Variants in TRIM13 observed in about 807,000 individuals in gnomAD.
The protein encoded by TRIM13 is tripartite motif containing 13, also known as E3 ubiquitin-protein ligase TRIM13.
TRIM13 carries 15 observed loss-of-function variants against 27.1 expected under a neutral mutation model. That is an observed-to-expected ratio of 0.55 (90% CI 0.37 to 0.85). The LOEUF is 0.85. TRIM13 is among the 40% of genes least tolerant of loss of function. The pLI is 0.00. For missense variants in TRIM13, 402 were observed against 472.2 expected, an observed-to-expected ratio of 0.85 and a Z score of 1.38; for synonymous variants, 193 against 171.5, an observed-to-expected ratio of 1.13 and a Z score of -0.98.
At chr13:50,008,742 T>C (rs909847772) in intron 1 of TRIM13, among the ~76,000 whole-genome samples, 16 of 152,096 alleles carry the variant, frequency 1.1e-4, no homozygotes, top group African/African-American at 3.1e-4. Context: ...CTCTTAAAAA[T>C]TGAGAATCCT....
At chr13:50,001,620 T>TAG (rs2138346356) in intron 1 of TRIM13, among the ~76,000 whole-genome samples, 1 of 152,294 alleles carries the variant, frequency 6.6e-6, no homozygotes, top group East Asian at 1.9e-4. Context: ...TATGGACACA[T>TAG]AGGTAACTTT....
Position 50,012,707 on chromosome 13 carries a change from G to C in TRIM13, c.767G>C (p.Arg256Thr). 1 of 1,614,112 alleles carries C rather than the reference G, an allele frequency of 6.2e-7. No homozygotes were observed. ...IVFLQQMQEFREKIKVIKETP... is the reference protein window; with the variant it reads ...IVFLQQMQEFTEKIKVIKETP... ...TTTCTGCAACAGATGCAGGAGTTTA[G>C]AGAGAAAATCAAAGTAATCAAGGAA... is the stretch of plus-strand genomic sequence containing the variant. The change falls in exon 2 of 2, where the codon AGA (arginine) becomes ACA (threonine). Residue 256 changes from arginine (R) to threonine (T), a missense_variant. Arg to Thr is a moderately conservative substitution (Grantham distance 71). Around this residue, in one of 2 missense-constraint regions of TRIM13, gnomAD observed 200 missense variants for 194.7 expected, o/e 1.03. Transcript: ENST00000378182.
chr13:49,999,638 G>GAGT (rs1345886666), intron 1 of TRIM13, among the ~76,000 whole-genome samples: 1 of 152,106 alleles, frequency 6.6e-6, no homozygotes, highest in Non-Finnish European at 1.5e-5. Context: ...TCAGCCTTCA[G>GAGT]AGTAGCTGGG....
At position 50,013,251 on chromosome 13, in the gene TRIM13, C is replaced by G; in HGVS notation, c.*87C>G. On this transcript the variant is annotated 3_prime_UTR_variant, in exon 2 of 2. Transcript: ENST00000378182. ...TTCAGATTTGGTCAACGATTCTAGTCACATATTTTCCTCCAAAAGTATTCC... is the reference window on the plus strand; with the variant it reads ...TTCAGATTTGGTCAACGATTCTAGTGACATATTTTCCTCCAAAAGTATTCC... The G allele has an allele frequency of 1.5e-6, 2 of 1,298,334 alleles. No individual in the cohort carries two copies. The highest frequency in any genetic ancestry group is 2.1e-6 in the Non-Finnish European group (2 of 958,608). The allele number at this position is 1,298,334 out of a possible 1,614,324, so 80.4% of individuals were successfully genotyped here.
At chr13:49,997,905 A>G (rs1199013555) in intron 1 of TRIM13, 142 bp downstream of exon 1, 2 of 151,984 alleles carry the variant, frequency 1.3e-5, no homozygotes, top group African/African-American at 2.4e-5. Context: ...TTCTTTGCAT[A>G]TTTTGTTAAA....
In TRIM13 at chr13:50,014,625, C is replaced by T. The variant is rs1158206043; in HGVS notation, c.*1461C>T. ...CAGCTGAACACTAATGCTGTTCTGT[C>T]TGCTCACAAGAGATAAAGATACCCT... is the stretch of plus-strand genomic sequence containing the variant. On this transcript the variant is annotated 3_prime_UTR_variant, in exon 2 of 2. Transcript: ENST00000378182. 6.0e-6 allele frequency: 1 copy of T among 166,726 alleles called. No homozygotes were observed. Among genetic ancestry groups the T allele is most frequent in the Admixed American group, 6.6e-5 (1 of 15,226 alleles). The allele number at this position is 166,726 out of a possible 1,614,324, so 10.3% of individuals were successfully genotyped here. A position where few individuals can be genotyped will look rare whatever the true frequency, so the allele number is the denominator to read the frequency against.
In TRIM13 at chr13:50,013,624, G is replaced by T; in HGVS notation, c.*460G>T. The T allele has an allele frequency of 6.2e-6, 1 of 160,702 alleles. No individual in the cohort carries two copies. The allele number at this position is 160,702 out of a possible 1,614,324, so 10.0% of individuals were successfully genotyped here. ...TGCAGCCTCTACCTCCCAGGTTCAA[G>T]TGATTATCCTGCCTTAGCCTCCTGA... On this transcript the variant is annotated 3_prime_UTR_variant, in exon 2 of 2. Coordinates refer to ENST00000378182, the MANE Select transcript of TRIM13 (RefSeq NM_213590.3).
At position 50,012,713 on chromosome 13, in the gene TRIM13, A is replaced by G; in HGVS notation, c.773A>G (p.Lys258Arg). 1.9e-6 allele frequency: 3 copies of G among 1,614,122 alleles called. No individual in the cohort carries two copies. The highest frequency in any genetic ancestry group is 2.5e-6 in the Non-Finnish European group (3 of 1,180,022). ...CAACAGATGCAGGAGTTTAGAGAGA[A>G]AATCAAAGTAATCAAGGAAACTCCT... ...FLQQMQEFRE[K>R]IKVIKETPLP... The change falls in exon 2 of 2, where the codon AAA becomes AGA. Residue 258 changes from lysine (K) to arginine (R), a missense_variant. Transcript: ENST00000378182.
Position 50,013,303 on chromosome 13 carries a change from A to C in TRIM13, c.*139A>C. The C allele has an allele frequency of 2.3e-6, 2 of 882,556 alleles. No individual in the cohort carries two copies. The highest frequency in any genetic ancestry group is 1.6e-6 in the Non-Finnish European group (1 of 609,216). The allele number at this position is 882,556 out of a possible 1,614,324, so 54.7% of individuals were successfully genotyped here. A position where few individuals can be genotyped will look rare whatever the true frequency, so the allele number is the denominator to read the frequency against. On this transcript the variant is annotated 3_prime_UTR_variant, in exon 2 of 2. Transcript: ENST00000378182. ...TCCAAAAATAATCTATACATGTTCA[A>C]ATTAGGTAGCATAAAGATAAAAGTG...
At chr13:50,010,040 C>CTTT (rs760914119) in intron 1 of TRIM13, among the ~76,000 whole-genome samples, 17 of 117,120 alleles carry the variant, frequency 1.5e-4, no homozygotes, top group Non-Finnish European at 1.9e-4. Context: ...GTAATTTAAT[C>CTTT]TTTTTTTTTT....
At chr13:50,008,900 G>A (rs1018742194) in intron 1 of TRIM13, among the ~76,000 whole-genome samples, 4 of 150,746 alleles carry the variant, frequency 2.7e-5, no homozygotes, top group African/African-American at 4.9e-5. Context: ...GTGATGGTGC[G>A]TGCCTGTAGT....
intron 1 of TRIM13, among the ~76,000 whole-genome samples, chr13:50,009,355 T>G (rs541910911): frequency 1.3e-5 from 2 of 152,106 alleles, no homozygotes; most frequent in East Asian, 3.9e-4. Flanking sequence ...TGCCTGTAAT[T>G]CCAGCACTTT....
intron 1 of TRIM13, among the ~76,000 whole-genome samples, chr13:49,999,590 A>G (rs530323640): frequency 1.5e-4 from 23 of 152,268 alleles, no homozygotes; most frequent in African/African-American, 5.1e-4. Flanking sequence ...TGTGTTCCCC[A>G]GGCTGGTCTT....
At position 50,014,313 on chromosome 13, in the gene TRIM13, C is replaced by CA. The variant is rs1173935698; in HGVS notation, c.*1181dup. On this transcript the variant is annotated 3_prime_UTR_variant, in exon 2 of 2. Transcript: ENST00000378182. Reference sequence around the variant, plus strand: ...AAACATAGCAAGACCCAGTCTCTACCAAAAAAAAAAAAAAAAAAAAAAAAA... The same window carrying CA: ...AAACATAGCAAGACCCAGTCTCTACCAAAAAAAAAAAAAAAAAAAAAAAAAA... The CA allele has an allele frequency of 2.8e-3, 54 of 19,302 alleles. 12 individuals are homozygous for CA. Among genetic ancestry groups the CA allele is most frequent in the South Asian group, 5.1e-3 (2 of 394 alleles). 1.2% of individuals were successfully genotyped at this position (19,302 alleles called of 1,614,324 possible). A position where few individuals can be genotyped will look rare whatever the true frequency, so the allele number is the denominator to read the frequency against.
At chr13:50,005,595 A>G (rs1871953316) in intron 1 of TRIM13, among the ~76,000 whole-genome samples, 1 of 151,632 alleles carries the variant, frequency 6.6e-6, no homozygotes, top group African/African-American at 2.4e-5. Flanking sequence ...GAATCACTTG[A>G]ACCCAGGAGG....
chr13:50,013,205 T>C lies in TRIM13; in HGVS notation c.*41T>C. ...TGCAGTTTTCTTTTGTTAGAAATTG[T>C]TAGAGAATAGAGAGTGGTAATTCAG... is the stretch of plus-strand genomic sequence containing the variant. On this transcript the variant is annotated 3_prime_UTR_variant, in exon 2 of 2. Transcript: ENST00000378182. 2 of 1,506,476 alleles carry C rather than the reference T, an allele frequency of 1.3e-6. No individual in the cohort carries two copies. Among genetic ancestry groups the C allele is most frequent in the East Asian group, 2.3e-5 (1 of 43,628 alleles). 93.3% of individuals were successfully genotyped at this position (1,506,476 alleles called of 1,614,324 possible). A position where few individuals can be genotyped will look rare whatever the true frequency, so the allele number is the denominator to read the frequency against.
chr13:50,013,217 G>A lies in TRIM13; in HGVS notation c.*53G>A. The A allele has an allele frequency of 6.7e-7, 1 of 1,483,690 alleles. No homozygotes were observed. The highest frequency in any genetic ancestry group is 9.0e-7 in the Non-Finnish European group (1 of 1,112,486). 91.9% of individuals were successfully genotyped at this position (1,483,690 alleles called of 1,614,324 possible). ...TTGTTAGAAATTGTTAGAGAATAGA[G>A]AGTGGTAATTCAGATTTGGTCAACG... is the stretch of plus-strand genomic sequence containing the variant. On this transcript the variant is annotated 3_prime_UTR_variant, in exon 2 of 2. Transcript: ENST00000378182.
intron 1 of TRIM13, among the ~76,000 whole-genome samples, chr13:50,002,788 G>A (rs903626574): frequency 1.3e-5 from 2 of 151,874 alleles, no homozygotes; most frequent in Non-Finnish European, 2.9e-5. Flanking sequence ...TCAGCCTCCC[G>A]AGTAGCTGGG....
At position 50,012,547 on chromosome 13, in the gene TRIM13, G is replaced by C; in HGVS notation, c.607G>C (p.Asp203His). ...TCAAAAGAAGAATGAAATTCTGTCT[G>C]ACTTTGAGACCATGAAACTTGCTGT... ...LDQKKNEILS[D>H]FETMKLAVMQ... Residue 203 changes from aspartate to histidine, a missense_variant, in exon 2 of 2, where the codon GAC (aspartate) becomes CAC (histidine). By Grantham distance (81) the Asp-to-His change is moderately conservative (BLOSUM62 -1). Coordinates refer to ENST00000378182, the MANE Select transcript of TRIM13 (RefSeq NM_213590.3). The C allele has an allele frequency of 6.2e-7, 1 of 1,614,048 alleles. No individual in the cohort carries two copies. The highest frequency in any genetic ancestry group is 8.5e-7 in the Non-Finnish European group (1 of 1,180,002).
Sources: allele counts gnomAD v4.1 joint callset (sites outside exome capture counted in the v4.1 genomes callset), GRCh38; gene constraint gnomAD v4.1.1; regional missense constraint gnomAD v4.1.1; transcripts MANE v1.5; gene names NCBI Gene and HGNC (gene_info 2026-07-23, HGNC 2026-07-21).